Variants in LRFN2 observed in about 807,000 individuals in gnomAD.
The protein encoded by LRFN2 is leucine rich repeat and fibronectin type III domain containing 2, also known as leucine-rich repeat and fibronectin type-III domain-containing protein 2.
In LRFN2, 18 loss-of-function variants were observed where a neutral mutation model predicts 37.3. The observed-to-expected ratio is 0.48, with a 90% CI of 0.33 to 0.72. The LOEUF (loss-of-function observed/expected upper bound fraction) is 0.72, where lower values mean the gene tolerates loss of function less well. Among genes scored for constraint, LRFN2 ranks in the 30% least tolerant of loss-of-function variants. The probability of loss-of-function intolerance (pLI) is 0.02; values close to 1 mark genes in which losing one functional copy is unlikely to be tolerated. For missense variants in LRFN2, 1,006 were observed against 1,060.7 expected, an observed-to-expected ratio of 0.95 and a Z score of 0.72; for synonymous variants, 556 against 466.6, an observed-to-expected ratio of 1.19 and a Z score of -2.47.
At chr6:40,403,694 T>A (rs904914022) in intron 2 of LRFN2, among the ~76,000 whole-genome samples, 10 of 152,282 alleles carry the variant, frequency 6.6e-5, no homozygotes, top group Middle Eastern at 3.4e-3. Context: ...CCCTGTTGAG[T>A]TGGCCTCTGG....
At chr6:40,487,127 A>T (rs1581742853) in intron 1 of LRFN2, among the ~76,000 whole-genome samples, 1 of 152,130 alleles carries the variant, frequency 6.6e-6, no homozygotes, top group Non-Finnish European at 1.5e-5. Context: ...TCTGAAGACC[A>T]CCAGGGGCCA....
chr6:40,564,152 G>C (rs1292401890), intron 1 of LRFN2, among the ~76,000 whole-genome samples: 1 of 152,164 alleles, frequency 6.6e-6, no homozygotes, highest in Non-Finnish European at 1.5e-5. Flanking sequence ...TGTGGGTTCA[G>C]CTGAGTCTTA....
rs956170868 is a variant in LRFN2, at chr6:40,587,016, G to A, written c.-94C>T. 11 of 152,146 alleles carry A rather than the reference G, an allele frequency of 7.2e-5. No individual in the cohort carries two copies. The highest frequency in any genetic ancestry group is 2.7e-4 in the African/African-American group (11 of 41,428). 9.4% of individuals were successfully genotyped at this position (152,146 alleles called of 1,614,324 possible). On this transcript the variant is annotated 5_prime_UTR_variant, in exon 1 of 3. The change creates a premature stop within an existing upstream ORF in the 5' untranslated region. Coordinates refer to ENST00000338305, the MANE Select transcript of LRFN2 (RefSeq NM_020737.3). The surrounding 1 kb of genome is among the most constrained non-coding windows in gnomAD (Gnocchi z 4.2). ...GCGGGGCGCCCGGGCTCCCCGGCTC[G>A]GCCACGCATCCTTCCCCGCCCGAGA...
intron 2 of LRFN2, among the ~76,000 whole-genome samples, chr6:40,425,036 T>A (rs76923015): frequency 0.037 from 5,587 of 152,300 alleles, 341 homozygotes; most frequent in African/African-American, 0.13. Context: ...CCTCTTGTCC[T>A]TTCCCCAGAT....
intron 1 of LRFN2, among the ~76,000 whole-genome samples, chr6:40,443,879 A>T (rs1763903518): frequency 6.6e-6 from 1 of 152,160 alleles, no homozygotes; most frequent in South Asian, 2.1e-4. Context: ...CAGTTTCTAG[A>T]ACCCAGTCAG....
chr6:40,573,974 A>C (rs1767232100), intron 1 of LRFN2, among the ~76,000 whole-genome samples: 1 of 152,176 alleles, frequency 6.6e-6, no homozygotes, highest in South Asian at 2.1e-4. Flanking sequence ...AACAAAACAA[A>C]CAAACAAACA....
intron 1 of LRFN2, among the ~76,000 whole-genome samples, chr6:40,576,022 T>G (rs2473586): frequency 0.53 from 80,786 of 151,972 alleles, 22,058 homozygotes; most frequent in African/African-American, 0.64. Context: ...TATTATTATG[T>G]TATAATATAA....
At chr6:40,563,266 T>A (rs1185589981) in intron 1 of LRFN2, among the ~76,000 whole-genome samples, 2 of 152,148 alleles carry the variant, frequency 1.3e-5, no homozygotes, top group African/African-American at 4.8e-5. Context: ...GTCTGTGACT[T>A]ATAATTCTCT....
intron 1 of LRFN2, among the ~76,000 whole-genome samples, chr6:40,536,402 C>A (rs996647696): frequency 2.6e-5 from 4 of 152,128 alleles, no homozygotes; most frequent in Admixed American, 1.3e-4. Flanking sequence ...GGAACCGAAC[C>A]CAGAACATGT....
At chr6:40,562,016 C>T (rs865775206) in intron 1 of LRFN2, among the ~76,000 whole-genome samples, 2 of 152,082 alleles carry the variant, frequency 1.3e-5, no homozygotes, top group Non-Finnish European at 2.9e-5. Context: ...AAGTATGTGC[C>T]GAATGAATGA....
chr6:40,521,064 G>A (rs146677621), intron 1 of LRFN2, among the ~76,000 whole-genome samples: 28 of 152,278 alleles, frequency 1.8e-4, no homozygotes, highest in Non-Finnish European at 3.4e-4. Context: ...GGGCCGCGTC[G>A]CTAGAGAGAC....
rs1368583736 is a variant in LRFN2 at position 40,565,755 on chromosome 6, C to A, written c.-19+21186G>T. Among the ~76,000 whole-genome samples the A allele has an allele frequency of 3.8e-3, 570 of 151,652 alleles. 2 individuals carry two copies. The highest frequency in any genetic ancestry group is 0.013 in the African/African-American group (536 of 41,244). ...TAATTCAACATGGATTAAAGACTTA[C>A]ATGTTAGACCTAAAACCATAAAAAC... On this transcript the variant is annotated intron_variant, in intron 1 of 2. Coordinates refer to ENST00000338305, the MANE Select transcript of LRFN2 (RefSeq NM_020737.3).
chr6:40,403,961 C>A (rs2113799200), intron 2 of LRFN2, among the ~76,000 whole-genome samples: 1 of 152,306 alleles, frequency 6.6e-6, no homozygotes, highest in African/African-American at 2.4e-5. Context: ...CTTCTCAAAT[C>A]TGCCAAGGGG....
intron 1 of LRFN2, among the ~76,000 whole-genome samples, chr6:40,537,969 C>T (rs1043276950): frequency 1.3e-5 from 2 of 152,044 alleles, no homozygotes; most frequent in Non-Finnish European, 2.9e-5. Context: ...CCCTCTTGCC[C>T]CATCACCTTT....
chr6:40,524,732 C>T (rs1766198358), intron 1 of LRFN2, among the ~76,000 whole-genome samples: 1 of 152,304 alleles, frequency 6.6e-6, no homozygotes, highest in Admixed American at 6.5e-5. Context: ...GAGAGGGGCC[C>T]TCCAGGTGCC....
chr6:40,540,636 T>C (rs1024079127), intron 1 of LRFN2, among the ~76,000 whole-genome samples: 1 of 152,066 alleles, frequency 6.6e-6, no homozygotes, highest in African/African-American at 2.4e-5. Context: ...CGCAGTATCG[T>C]TGAGAGCAGA....
intron 1 of LRFN2, among the ~76,000 whole-genome samples, chr6:40,465,734 T>C (rs1036131250): frequency 3.9e-5 from 6 of 152,006 alleles, no homozygotes; most frequent in South Asian, 2.1e-4. Flanking sequence ...TTCTGGGAAT[T>C]TGGGGACTGG....
intron 1 of LRFN2, among the ~76,000 whole-genome samples, chr6:40,465,119 A>C (rs528946236): frequency 1.3e-5 from 2 of 152,252 alleles, no homozygotes; most frequent in East Asian, 3.9e-4. Context: ...GCAATGTGAG[A>C]AGAACTAGAC....
At chr6:40,489,641 G>C (rs1487613686) in intron 1 of LRFN2, among the ~76,000 whole-genome samples, 2 of 152,170 alleles carry the variant, frequency 1.3e-5, no homozygotes, top group Admixed American at 6.5e-5. Flanking sequence ...TGACGAGGAG[G>C]CCTGGGAGGA....
Sources: allele counts gnomAD v4.1 joint callset (sites outside exome capture counted in the v4.1 genomes callset), GRCh38; gene constraint gnomAD v4.1.1; non-coding constraint Gnocchi (gnomAD v3.1); transcripts MANE v1.5; gene names NCBI Gene and HGNC (gene_info 2026-07-23, HGNC 2026-07-21).